The following FMR1 variants were observed in gnomAD, a reference collection of about 807,000 sequenced individuals.
The protein encoded by FMR1 is FMRP translational regulator 1.
In FMR1, 13 loss-of-function variants were observed where a neutral mutation model predicts 50.6. The ratio of observed to expected loss-of-function variants is 0.26; its 90% confidence interval spans 0.17 to 0.41. FMR1 has a LOEUF of 0.41. Among genes scored for constraint, FMR1 ranks in the 10% least tolerant of loss-of-function variants. The pLI, the probability that FMR1 is intolerant of heterozygous loss-of-function variation, is 1.00. For missense variants in FMR1, 316 were observed against 491.3 expected, an observed-to-expected ratio of 0.64 and a Z score of 3.37; for synonymous variants, 138 against 164.1, an observed-to-expected ratio of 0.84 and a Z score of 1.22.
intron 10 of FMR1, 82 bp downstream of exon 10, chrX:147,936,695 G>T: frequency 3.5e-6 from 2 of 564,691 alleles, no homozygotes; most frequent in Non-Finnish European, 6.2e-6. Context: ...CCTCTAATAT[G>T]TGCATAAAGT....
intron 14 of FMR1, chrX:147,944,502 T>G: frequency 1.3e-6 from 1 of 754,142 alleles, no homozygotes; most frequent in South Asian, 6.7e-5. Context: ...AGAGGTTTTG[T>G]TTATCAGGGT....
chrX:147,940,995 CTG>C lies in FMR1; in HGVS notation c.1275+337_1275+338del, dbSNP rs376134358. 4.5e-3 allele frequency among the ~76,000 whole-genome samples: 503 copies of C among 112,024 alleles called. 7 individuals carry two copies. Among genetic ancestry groups the C allele is most frequent in the African/African-American group, 0.015 (466 of 30,800 alleles). On this transcript the variant is annotated intron_variant, in intron 13 of 16. Transcript: ENST00000370475. ...ATTTTGGTTTTTTCCAGACAAAAATCTGTGTCTATAACTCTTGCCTTTATTGT... is the reference window on the plus strand; with the variant it reads ...ATTTTGGTTTTTTCCAGACAAAAATCTGTCTATAACTCTTGCCTTTATTGT...
intron 11 of FMR1, 49 bp downstream of exon 11, chrX:147,937,649 G>C: frequency 1.6e-6 from 1 of 643,012 alleles, no homozygotes; most frequent in Non-Finnish European, 2.7e-6. Flanking sequence ...ATTTGTCTCA[G>C]ATGTCACAAT....
At chrX:147,928,198 A>G in intron 3 of FMR1, 124 bp from the exon 4 acceptor site, 2 of 581,987 alleles carry the variant, frequency 3.4e-6, no homozygotes, top group Non-Finnish European at 5.9e-6. Flanking sequence ...GGTTGAGGAT[A>G]TATGACATGT....
chrX:147,921,878 A>T, intron 1 of FMR1, 55 bp from the exon 2 acceptor site: 1 of 847,884 alleles, frequency 1.2e-6, no homozygotes, highest in East Asian at 3.1e-5. Context: ...AATTTAACTA[A>T]AAACAAAAAC....
At chrX:147,916,457 A>G (rs2042868215) in intron 1 of FMR1, among the ~76,000 whole-genome samples, 1 of 110,964 alleles carries the variant, frequency 9.0e-6, no homozygotes, top group Admixed American at 9.5e-5. Context: ...CAAAATGATA[A>G]CTTGCTTTAT....
chrX:147,944,805 T>A, intron 14 of FMR1, 64 bp from the exon 15 acceptor site: 2 of 1,079,146 alleles, frequency 1.9e-6, no homozygotes, highest in Non-Finnish European at 2.4e-6. Context: ...TGGAAGCTTC[T>A]GTTAACCCTC....
At position 147,932,758 on chromosome X, in the gene FMR1, T is replaced by C. The variant is rs782415147; in HGVS notation, c.875T>C (p.Leu292Ser). Residue 292 changes from leucine to serine, a missense_variant, in exon 9 of 17, where the codon TTA becomes TCA. Physicochemically the swap from Leu to Ser is moderately radical, Grantham distance 145 (BLOSUM62 -2). Around this residue, in one of 4 missense-constraint regions of FMR1, gnomAD observed 124 missense variants for 238.1 expected, o/e 0.52. Transcript: ENST00000370475. The part of the protein sequence containing the change: ...AEDVIQVPRN[L>S]VGKVIGKNGK... ...GATGTAATACAAGTTCCAAGGAACT[T>C]AGTAGGTAAGTCAGAAGTATCTGTT... is the stretch of plus-strand genomic sequence containing the variant. 1 of 1,178,860 alleles carries C rather than the reference T, an allele frequency of 8.5e-7. No individual in the cohort carries two copies. Among genetic ancestry groups the C allele is most frequent in the South Asian group, 1.8e-5 (1 of 56,154 alleles).
At chrX:147,936,418 A>G (rs782644007) in intron 9 of FMR1, 86 bp from the exon 10 acceptor site, 3 of 587,166 alleles carry the variant, frequency 5.1e-6, no homozygotes, top group Non-Finnish European at 8.8e-6. Context: ...ATCTATCTAT[A>G]TGAATGTAAT....
intron 2 of FMR1, among the ~76,000 whole-genome samples, chrX:147,923,139 T>C (rs782810936): frequency 1.8e-5 from 2 of 111,868 alleles, no homozygotes; most frequent in East Asian, 5.6e-4. Context: ...TTCTTTTGGC[T>C]AGCAACAGGA....
chrX:147,939,832 C>T (rs1340155852), intron 12 of FMR1, among the ~76,000 whole-genome samples: 1 of 98,807 alleles, frequency 1.0e-5, no homozygotes, highest in Admixed American at 1.2e-4. Flanking sequence ...CTGGGGAGGT[C>T]GAGGCTACAG....
chrX:147,918,818 A>G, intron 1 of FMR1, among the ~76,000 whole-genome samples: 1 of 110,682 alleles, frequency 9.0e-6, no homozygotes, highest in Non-Finnish European at 1.9e-5. Flanking sequence ...GTAGCCCTTA[A>G]GCCATATGTA....
chrX:147,918,744 T>C (rs1039921146), intron 1 of FMR1, among the ~76,000 whole-genome samples: 6 of 110,331 alleles, frequency 5.4e-5, no homozygotes, highest in Non-Finnish European at 1.1e-4. Context: ...ATAGTGCTTT[T>C]ATGATGAGTC....
At chrX:147,935,162 T>C (rs1557179459) in intron 9 of FMR1, among the ~76,000 whole-genome samples, 1 of 112,069 alleles carries the variant, frequency 8.9e-6, no homozygotes, top group African/African-American at 3.2e-5. Context: ...AGACTCCAAG[T>C]AGCTTCTCTC....
At chrX:147,919,421 G>A (rs1408698557) in intron 1 of FMR1, among the ~76,000 whole-genome samples, 2 of 111,646 alleles carry the variant, frequency 1.8e-5, no homozygotes, top group African/African-American at 3.3e-5. Flanking sequence ...GAAGCACTGG[G>A]GCATGCACCC....
chrX:147,944,576 G>A (rs1462292371), intron 14 of FMR1: 1 of 938,601 alleles, frequency 1.1e-6, no homozygotes, highest in Non-Finnish European at 1.3e-6. Flanking sequence ...AAGGAACACA[G>A]CTATTTAATG....
At chrX:147,937,279 G>T (rs1603015919) in intron 10 of FMR1, among the ~76,000 whole-genome samples, 187 bp from the exon 11 acceptor site, 1 of 111,799 alleles carries the variant, frequency 8.9e-6, no homozygotes, top group Admixed American at 9.5e-5. Context: ...CTTTTTGAAA[G>T]ATTCTTTTAG....
intron 16 of FMR1, among the ~76,000 whole-genome samples, chrX:147,946,265 A>G (rs1381382979): frequency 8.9e-6 from 1 of 112,067 alleles, no homozygotes; most frequent in Non-Finnish European, 1.9e-5. Flanking sequence ...AGTAAACCTT[A>G]TGTGTCTTTG....
At chrX:147,918,284 G>T (rs963146356) in intron 1 of FMR1, among the ~76,000 whole-genome samples, 1 of 111,732 alleles carries the variant, frequency 8.9e-6, no homozygotes, top group Admixed American at 9.5e-5. Context: ...TTCACAGGAG[G>T]TATTTGTCCT....
Sources: allele counts gnomAD v4.1 joint callset (sites outside exome capture counted in the v4.1 genomes callset), GRCh38; gene constraint gnomAD v4.1.1; regional missense constraint gnomAD v4.1.1; transcripts MANE v1.5; gene names NCBI Gene and HGNC (gene_info 2026-07-23, HGNC 2026-07-21).